The following WSCD1 variants were observed in gnomAD, a reference collection of about 807,000 sequenced individuals.
WSCD1 encodes the protein sialate:O-sulfotransferase 1.
WSCD1 carries 41 observed loss-of-function variants against 60.4 expected under a neutral mutation model. The ratio of observed to expected loss-of-function variants is 0.68; its 90% CI spans 0.53 to 0.88. WSCD1 has a LOEUF of 0.88. Among genes scored for constraint, WSCD1 ranks in the 40% least tolerant of loss-of-function variants. The pLI is 0.00. For synonymous variants in WSCD1, 361 were observed against 332.5 expected (o/e 1.09, Z -0.93); for missense variants, 784 against 796.2 (o/e 0.98, Z 0.18).
chr17:6,093,687 C>T (rs897250775), intron 4 of WSCD1, among the ~76,000 whole-genome samples: 3 of 152,200 alleles, frequency 2.0e-5, no homozygotes, highest in African/African-American at 4.8e-5. Context: ...GGCAGACACA[C>T]GGTGGTGGGG....
In WSCD1 at chr17:6,081,076, C is replaced by T; in HGVS notation, c.418C>T (p.His140Tyr). The T allele has an allele frequency of 1.3e-6, 2 of 1,538,372 alleles. No homozygotes were observed. The highest frequency in any genetic ancestry group is 1.7e-4 in the Middle Eastern group (1 of 5,972). Residue 140 changes from histidine (H) to tyrosine (Y), a missense_variant, in exon 2 of 9, where the codon CAC (histidine) becomes TAC (tyrosine). Physicochemically the swap from His to Tyr is moderately conservative, Grantham distance 83 (BLOSUM62 2). Coordinates refer to ENST00000317744, the MANE Select transcript of WSCD1 (RefSeq NM_015253.2). ...CCCCGAGGCTGCCAGGCCCGCCATC[C>T]ACAGCCGAGGTAGGCGCTCAGCTGC... is the stretch of plus-strand genomic sequence containing the variant. The part of the protein sequence containing the change: ...LGPEAARPAI[H>Y]SRGTYIGCFS...
At chr17:6,108,128 T>C (rs1323174503) in intron 5 of WSCD1, among the ~76,000 whole-genome samples, 1 of 152,082 alleles carries the variant, frequency 6.6e-6, no homozygotes, top group Non-Finnish European at 1.5e-5. Context: ...CCTCCAAAGA[T>C]ACCTGCCCTC....
At position 6,087,963 on chromosome 17, in the gene WSCD1, G is replaced by A. The variant is rs771670770; in HGVS notation, c.428-27G>A. On this transcript the variant is annotated intron_variant, in intron 2 of 8. Coordinates refer to ENST00000317744, the MANE Select transcript of WSCD1 (RefSeq NM_015253.2). ...TGGGCCCATGATTCCTGGGCCTCTG[G>A]TATTAGCCATGCTTCCCTTTCTGCA... 2.5e-6 allele frequency: 4 copies of A among 1,573,688 alleles called. No homozygotes were observed. The South Asian group carries it at 4.4e-5, about 17-fold the overall frequency.
intron 1 of WSCD1, chr17:6,078,049 A>G (rs930374757): frequency 1.3e-5 from 2 of 152,196 alleles, no homozygotes; most frequent in African/African-American, 2.4e-5. Flanking sequence ...CATCTCTCCC[A>G]TGTTTCAGGC....
At chr17:6,097,297 C>T (rs1747880322) in intron 5 of WSCD1, among the ~76,000 whole-genome samples, 1 of 152,270 alleles carries the variant, frequency 6.6e-6, no homozygotes, top group Non-Finnish European at 1.5e-5. Flanking sequence ...TAAATAGGAA[C>T]ATGCTTACTT....
chr17:6,090,391 G>C lies in WSCD1; in HGVS notation c.613G>C (p.Val205Leu). ...YCGNRLPAVS[V>L]GLEECNHECK... ...CGGGAACCGGCTGCCAGCGGTGAGC[G>C]TGGGGCTGGAAGAGTGTAACCATGA... The change falls in exon 4 of 9, where the codon GTG becomes CTG. Residue 205 changes from valine (V) to leucine (L), a missense_variant. Val to Leu is a conservative substitution (Grantham distance 32, BLOSUM62 1). Transcript: ENST00000317744. 1.2e-6 allele frequency: 2 copies of C among 1,610,502 alleles called. No homozygotes were observed. Among genetic ancestry groups the C allele is most frequent in the Non-Finnish European group, 1.7e-6 (2 of 1,178,546 alleles).
rs267604995 is a variant in WSCD1 at position 6,120,523 on chromosome 17, G to T, written c.1590G>T (p.Arg530=). 1.9e-6 allele frequency: 3 copies of T among 1,613,730 alleles called. No homozygotes were observed. The Admixed American group carries it at 5.0e-5, about 27-fold the overall frequency. Residue 530 remains arginine (R), a synonymous_variant, in exon 9 of 9, where the codon CGG becomes CGT. Coordinates refer to ENST00000317744, the MANE Select transcript of WSCD1 (RefSeq NM_015253.2). ...VENNKEGSFR[R]RGRRSHDPEP... is the part of the protein sequence containing the mutation. ...ACAACAAGGAGGGCAGCTTCCGGCG[G>T]CGCGGCCGGCGCTCCCACGACCCTG...
At chr17:6,113,420 T>C (rs963738732) in intron 7 of WSCD1, among the ~76,000 whole-genome samples, 11 of 152,190 alleles carry the variant, frequency 7.2e-5, no homozygotes, top group African/African-American at 2.7e-4. Context: ...TTTCAGGACA[T>C]TGGTCTGGGC....
At chr17:6,070,823 G>C (rs1462162618) in intron 1 of WSCD1, among the ~76,000 whole-genome samples, 171 bp downstream of exon 1, 1 of 151,396 alleles carries the variant, frequency 6.6e-6, no homozygotes, top group Non-Finnish European at 1.5e-5. Flanking sequence ...GGGGGCCCGG[G>C]GCGGCTCGGC....
chr17:6,120,450 C>G lies in WSCD1; in HGVS notation c.1517C>G (p.Ala506Gly). The G allele has an allele frequency of 6.2e-7, 1 of 1,614,052 alleles. No homozygotes were observed. The highest frequency in any genetic ancestry group is 8.5e-7 in the Non-Finnish European group (1 of 1,179,978). Residue 506 changes from alanine (A) to glycine (G), a missense_variant, in exon 9 of 9, where the codon GCC (alanine) becomes GGC (glycine). Transcript: ENST00000317744. ...GTGCCCACGTTACGGGAGATGGTGG[C>G]CTTCCTCAACGTGTCTGTGAGCGAG... is the stretch of plus-strand genomic sequence containing the variant. Reference protein sequence around the residue: ...SLVPTLREMVAFLNVSVSEER... With the variant: ...SLVPTLREMVGFLNVSVSEER...
At chr17:6,102,325 A>T (rs1402039879) in intron 5 of WSCD1, among the ~76,000 whole-genome samples, 4 of 152,242 alleles carry the variant, frequency 2.6e-5, no homozygotes, top group Admixed American at 2.0e-4. Context: ...TATGGTCTCC[A>T]TGGGGCACCC....
intron 4 of WSCD1, among the ~76,000 whole-genome samples, chr17:6,094,750 G>A (rs927309609): frequency 7.0e-5 from 10 of 142,146 alleles, no homozygotes; most frequent in African/African-American, 2.6e-4. Context: ...GGGAGGGAGG[G>A]AATGGAGAAC....
At chr17:6,103,990 T>G (rs1268252634) in intron 5 of WSCD1, among the ~76,000 whole-genome samples, 1 of 152,158 alleles carries the variant, frequency 6.6e-6, no homozygotes, top group African/African-American at 2.4e-5. Flanking sequence ...GCTGAGTAAT[T>G]TATAAAGAAA....
intron 2 of WSCD1, among the ~76,000 whole-genome samples, chr17:6,081,566 C>G (rs1477460505): frequency 1.3e-5 from 2 of 151,820 alleles, no homozygotes; most frequent in Non-Finnish European, 2.9e-5. Flanking sequence ...CAAAAATTAG[C>G]CGGGTGTGGT....
intron 3 of WSCD1, among the ~76,000 whole-genome samples, chr17:6,089,730 A>G (rs889263914): frequency 6.6e-6 from 1 of 152,210 alleles, no homozygotes; most frequent in Non-Finnish European, 1.5e-5. Context: ...CCTGTCGCAT[A>G]CTGAGAACCA....
intron 2 of WSCD1, among the ~76,000 whole-genome samples, chr17:6,083,098 C>G (rs1045001308): frequency 6.6e-6 from 1 of 152,140 alleles, no homozygotes; most frequent in African/African-American, 2.4e-5. Flanking sequence ...GCAAACTCTC[C>G]GCAACACACC....
chr17:6,120,615 G>A lies in WSCD1; in HGVS notation c.1682G>A (p.Arg561His), dbSNP rs367964759. 74 of 1,613,336 alleles carry A rather than the reference G, an allele frequency of 4.6e-5. No individual in the cohort carries two copies. Among genetic ancestry groups the A allele is most frequent in the Non-Finnish European group, 5.8e-5 (69 of 1,179,970 alleles). ...ATCCGGACGGTGGACCAAGCCCTGC[G>A]TGACCACAACTGGACGGGGCTGCCC... is the stretch of plus-strand genomic sequence containing the variant. ...GYIRTVDQAL[R>H]DHNWTGLPRE... The change falls in exon 9 of 9, where the codon CGT (arginine) becomes CAT (histidine). Residue 561 changes from arginine to histidine, a missense_variant. Transcript: ENST00000317744.
At position 6,122,752 on chromosome 17, in the gene WSCD1, T is replaced by C. The variant is rs187256692; in HGVS notation, c.*2091T>C. On this transcript the variant is annotated 3_prime_UTR_variant, in exon 9 of 9. Transcript: ENST00000317744. ...CTGGTAGTTGGATTGGTACATTCAC[T>C]GCTGCCAGGTACCCAGAGATGTCAT... The C allele has an allele frequency of 6.6e-6, 1 of 152,468 alleles. No homozygotes were observed. Among genetic ancestry groups the C allele is most frequent in the East Asian group, 1.9e-4 (1 of 5,166 alleles). The allele number at this position is 152,468 out of a possible 1,614,324, so 9.4% of individuals were successfully genotyped here. A position where few individuals can be genotyped will look rare whatever the true frequency, so the allele number is the denominator to read the frequency against.
At chr17:6,105,785 C>T (rs1447457081) in intron 5 of WSCD1, among the ~76,000 whole-genome samples, 11 of 152,166 alleles carry the variant, frequency 7.2e-5, no homozygotes, top group Non-Finnish European at 1.6e-4. Context: ...ACGGAGCCAG[C>T]GTGCCTTGAG....
Sources: allele counts gnomAD v4.1 joint callset (sites outside exome capture counted in the v4.1 genomes callset), GRCh38; gene constraint gnomAD v4.1.1; transcripts MANE v1.5; gene names NCBI Gene and HGNC (gene_info 2026-07-23, HGNC 2026-07-21).